The following ADRA1A variants were observed in gnomAD, a reference collection of about 807,000 sequenced individuals.
ADRA1A encodes alpha-1A adrenergic receptor.
A neutral mutation model predicts 29.6 loss-of-function variants in ADRA1A; 31 were observed. That is an observed-to-expected ratio of 1.05 (90% CI 0.79 to 1.41). The LOEUF is 1.41. Among genes scored for constraint, ADRA1A ranks in the 40% most tolerant of loss-of-function variants. The pLI is 0.00. For missense variants in ADRA1A, 619 were observed against 601.1 expected (o/e 1.03, Z -0.31); for synonymous variants, 311 against 254.3 (o/e 1.22, Z -2.12).
At chr8:26,753,759 C>T (rs1239407947), downstream of ADRA1A, among the ~76,000 whole-genome samples, 1 of 152,228 alleles carries the variant, frequency 6.6e-6, no homozygotes, top group African/African-American at 2.4e-5. Context: ...GCACTACCCA[C>T]TCCATTTCTC....
intron 2 of ADRA1A, among the ~76,000 whole-genome samples, chr8:26,842,236 A>G (rs1467340388): frequency 6.6e-6 from 1 of 152,176 alleles, no homozygotes; most frequent in African/African-American, 2.4e-5. Flanking sequence ...GCAAAACTGA[A>G]TTTTTAATTT....
intron 2 of ADRA1A, among the ~76,000 whole-genome samples, chr8:26,797,175 C>T (rs1808243198): frequency 6.6e-6 from 1 of 152,060 alleles, no homozygotes; most frequent in Non-Finnish European, 1.5e-5. Flanking sequence ...ACATCAAAGA[C>T]ACTTGCAAAA....
intron 2 of ADRA1A, among the ~76,000 whole-genome samples, chr8:26,773,499 A>G (rs1806326448): frequency 6.6e-6 from 1 of 152,220 alleles, no homozygotes; most frequent in Admixed American, 6.5e-5. Context: ...CCTGTGCTTA[A>G]TGACTACAAG....
rs61757016 is a variant in ADRA1A, at chr8:26,866,238, A to G, written c.-686-583T>C. On this transcript the variant is annotated intron_variant, in intron 1 of 2. Transcript: ENST00000380573. The surrounding 1 kb of genome is among the most constrained non-coding windows in gnomAD (Gnocchi z 5.7). ...TCTGTCCACCAGCCAAGCTGGCTTG[A>G]GAGCCAGGTCCCGAGCGAAGCCGGG... Among the ~76,000 whole-genome samples the G allele has an allele frequency of 0.028, 4,294 of 152,224 alleles. 198 individuals carry two copies. The highest frequency in any genetic ancestry group is 0.096 in the African/African-American group (4,001 of 41,542).
At chr8:26,754,882 T>C (rs961233516), downstream of ADRA1A, among the ~76,000 whole-genome samples, 1 of 152,208 alleles carries the variant, frequency 6.6e-6, no homozygotes, top group Non-Finnish European at 1.5e-5. Context: ...CACTCTTTCA[T>C]ACGCTTCAAT....
chr8:26,765,757 C>A, downstream of ADRA1A: 1 of 1,156,996 alleles, frequency 8.6e-7, no homozygotes. Context: ...AGTATTCACA[C>A]ACAGAGGCAG....
In ADRA1A at chr8:26,865,542, C is replaced by A; in HGVS notation, c.-573G>T. 1.0e-6 allele frequency: 1 copy of A among 992,572 alleles called. No individual in the cohort carries two copies. Among genetic ancestry groups the A allele is most frequent in the Non-Finnish European group, 1.2e-6 (1 of 834,328 alleles). The allele number at this position is 992,572 out of a possible 1,614,324, so 61.5% of individuals were successfully genotyped here. On this transcript the variant is annotated 5_prime_UTR_variant, in exon 2 of 3. Transcript: ENST00000380573. This position sits in a 1 kb window ranked among gnomAD's most constrained non-coding sequence, Gnocchi z 7.6. ...CCGCAGTTACCTACATTTTGAGCTGCCCCACCGAAGGCTCCTGCTCTCTCC... is the reference window on the plus strand; with the variant it reads ...CCGCAGTTACCTACATTTTGAGCTGACCCACCGAAGGCTCCTGCTCTCTCC...
At position 26,831,741 on chromosome 8, in the gene ADRA1A, C is replaced by T. The variant is rs766535227; in HGVS notation, c.883+32346G>A. On this transcript the variant is annotated intron_variant, in intron 2 of 2. Transcript: ENST00000380573. This position sits in a 1 kb window ranked among gnomAD's most constrained non-coding sequence, Gnocchi z 5.2. ...TTTCACTCGCAGGGAATGAAGGACC[C>T]TTTTGGGCCTTGGGGGGAACACGCT... is the stretch of plus-strand genomic sequence containing the variant. Among the ~76,000 whole-genome samples, 61 of 152,340 alleles carry T rather than the reference C, an allele frequency of 4.0e-4. No individual in the cohort carries two copies. Among genetic ancestry groups the T allele is most frequent in the Non-Finnish European group, 1.2e-4 (8 of 68,030 alleles).
chr8:26,844,331 CT>C (rs1160205540), intron 2 of ADRA1A, among the ~76,000 whole-genome samples: 2 of 152,144 alleles, frequency 1.3e-5, no homozygotes, highest in Admixed American at 6.5e-5. Flanking sequence ...AGCTTTTGAA[CT>C]TAGGAATACA....
intron 2 of ADRA1A, among the ~76,000 whole-genome samples, chr8:26,828,443 A>G (rs1400213775): frequency 6.6e-6 from 1 of 152,164 alleles, no homozygotes; most frequent in Non-Finnish European, 1.5e-5. Flanking sequence ...TTAAAATAAA[A>G]AACACTACAC....
At chr8:26,748,440 TAA>T (rs34923219) in exon 3 of ADRA1A, 68 of 171,408 alleles carry the variant, frequency 4.0e-4, no homozygotes, top group South Asian at 1.0e-3. Context: ...TTAAAAAAGA[TAA>T]AAAAAAAAAA....
intron 2 of ADRA1A, among the ~76,000 whole-genome samples, chr8:26,843,575 A>G (rs1181493090): frequency 6.6e-6 from 1 of 152,236 alleles, no homozygotes; most frequent in African/African-American, 2.4e-5. Context: ...AGGCAGTTAA[A>G]ACTATGTAGA....
chr8:26,822,245 T>A (rs570081301), intron 2 of ADRA1A, among the ~76,000 whole-genome samples: 1 of 152,260 alleles, frequency 6.6e-6, no homozygotes, highest in South Asian at 2.1e-4. Flanking sequence ...CACTTTTGAG[T>A]TGTATGTGTC....
At chr8:26,767,446 C>T (rs17333814), downstream of ADRA1A, among the ~76,000 whole-genome samples, 4,433 of 152,110 alleles carry the variant, frequency 0.029, 94 homozygotes, top group Non-Finnish European at 0.04. Context: ...TTTTGGGTGA[C>T]GTTATCAATT....
chr8:26,865,337 G>T lies in ADRA1A; in HGVS notation c.-368C>A, dbSNP rs1813830235. On this transcript the variant is annotated 5_prime_UTR_variant, in exon 2 of 3. Coordinates refer to ENST00000380573, the MANE Select transcript of ADRA1A (RefSeq NM_000680.4). The surrounding 1 kb of genome is among the most constrained non-coding windows in gnomAD (Gnocchi z 7.6). ...TGCAATTCCAGAATTACGAGAATCT[G>T]CTTTTCCGCGCTGTCTTATTCGTCC... 6.5e-6 allele frequency: 7 copies of T among 1,080,774 alleles called. No homozygotes were observed. The highest frequency in any genetic ancestry group is 4.3e-4 in the Middle Eastern group (1 of 2,314). 66.9% of individuals were successfully genotyped at this position (1,080,774 alleles called of 1,614,324 possible).
chr8:26,811,131 G>A (rs1242861948), intron 2 of ADRA1A, among the ~76,000 whole-genome samples: 1 of 152,000 alleles, frequency 6.6e-6, no homozygotes, highest in Non-Finnish European at 1.5e-5. Context: ...GCCCTAGGGT[G>A]AGAAATAGAA....
chr8:26,867,357 G>A, upstream of ADRA1A: 1 of 985,248 alleles, frequency 1.0e-6, no homozygotes, highest in Non-Finnish European at 1.2e-6. Flanking sequence ...TGCGTATACA[G>A]CTGTAATGTT....
intron 2 of ADRA1A, among the ~76,000 whole-genome samples, chr8:26,759,824 G>A (rs561060591): frequency 2.0e-5 from 3 of 152,300 alleles, no homozygotes; most frequent in East Asian, 1.9e-4. Context: ...ACACTTATTC[G>A]AACTTGGTTT....
upstream of ADRA1A, chr8:26,867,304 A>G (rs1472317524): frequency 1.0e-6 from 1 of 985,282 alleles, no homozygotes; most frequent in East Asian, 1.1e-4. Context: ...TAGTACCGTA[A>G]TCTCCTGCTG....
Sources: allele counts gnomAD v4.1 joint callset (sites outside exome capture counted in the v4.1 genomes callset), GRCh38; gene constraint gnomAD v4.1.1; non-coding constraint Gnocchi (gnomAD v3.1); transcripts MANE v1.5; gene names NCBI Gene and HGNC (gene_info 2026-07-23, HGNC 2026-07-21).